MEGF10: variants seen among roughly 807,000 people sequenced by gnomAD.
MEGF10 encodes the protein multiple epidermal growth factor-like domains protein 10.
In MEGF10, 86 loss-of-function variants were observed where a neutral mutation model predicts 147.5. The ratio of observed to expected loss-of-function variants is 0.58; its 90% CI spans 0.49 to 0.70. The LOEUF is 0.70. Among genes scored for constraint, MEGF10 ranks in the 30% least tolerant of loss-of-function variants. MEGF10 has a pLI of 0.00. For missense variants in MEGF10, 1,329 were observed against 1,487.3 expected, an observed-to-expected ratio of 0.89 and a Z score of 1.75; for synonymous variants, 478 against 525.5, an observed-to-expected ratio of 0.91 and a Z score of 1.24.
intron 1 of MEGF10, among the ~76,000 whole-genome samples, chr5:127,324,114 C>T (rs1323629744): frequency 1.3e-5 from 2 of 151,462 alleles, no homozygotes; most frequent in Non-Finnish European, 2.9e-5. Context: ...AGGCTGGCTA[C>T]AATAATAGGG....
At chr5:127,426,087 G>A (rs1433352148) in intron 13 of MEGF10, among the ~76,000 whole-genome samples, 1 of 152,182 alleles carries the variant, frequency 6.6e-6, no homozygotes, top group Non-Finnish European at 1.5e-5. Context: ...ATAAGAGTCA[G>A]GAGGGCCTTG....
chr5:127,333,591 A>G (rs1405419997), intron 2 of MEGF10, among the ~76,000 whole-genome samples: 1 of 152,170 alleles, frequency 6.6e-6, no homozygotes, highest in Non-Finnish European at 1.5e-5. Flanking sequence ...ACCCACTTAT[A>G]AATACACATT....
chr5:127,270,994 TC>T, the MEGF10 span, among the ~76,000 whole-genome samples: 1 of 152,190 alleles, frequency 6.6e-6, no homozygotes, highest in African/African-American at 2.4e-5. Flanking sequence ...TCCATGTCTT[TC>T]CTTTTGTGAA....
At chr5:127,421,061 T>C (rs1170463234) in intron 12 of MEGF10, among the ~76,000 whole-genome samples, 1 of 152,196 alleles carries the variant, frequency 6.6e-6, no homozygotes, top group African/African-American at 2.4e-5. Flanking sequence ...AGGATCCCAC[T>C]CATGGATATC....
intron 1 of MEGF10, among the ~76,000 whole-genome samples, chr5:127,293,544 AT>A (rs1352022453): frequency 6.6e-6 from 1 of 152,186 alleles, no homozygotes; most frequent in Non-Finnish European, 1.5e-5. Context: ...AGAAGTCTGC[AT>A]TTTTACAAGT....
chr5:127,230,318 A>T, the MEGF10 span, among the ~76,000 whole-genome samples: 1 of 152,104 alleles, frequency 6.6e-6, no homozygotes. Flanking sequence ...ATGCGTCAAA[A>T]TTAAGCTCCG....
chr5:127,294,497 A>G (rs1759405663), intron 1 of MEGF10, among the ~76,000 whole-genome samples: 1 of 152,134 alleles, frequency 6.6e-6, no homozygotes, highest in Non-Finnish European at 1.5e-5. Flanking sequence ...ATAGCCTAGG[A>G]AGTTAATAAC....
chr5:127,323,732 T>C (rs1277089498), intron 1 of MEGF10, among the ~76,000 whole-genome samples: 1 of 152,112 alleles, frequency 6.6e-6, no homozygotes, highest in African/African-American at 2.4e-5. Context: ...AAGTTGAGAG[T>C]AGCTTAGCTG....
intron 5 of MEGF10, among the ~76,000 whole-genome samples, chr5:127,395,539 T>A: frequency 1.1e-5 from 1 of 88,642 alleles, no homozygotes; most frequent in African/African-American, 5.2e-5. Flanking sequence ...CTGATATCTT[T>A]TTTTTTTTTT....
chr5:127,349,279 G>T (rs1440020472), intron 4 of MEGF10, among the ~76,000 whole-genome samples: 2 of 151,948 alleles, frequency 1.3e-5, no homozygotes, highest in Non-Finnish European at 2.9e-5. Context: ...ATAATTTTTG[G>T]TTTAATTTTT....
At chr5:127,363,836 C>T in intron 4 of MEGF10, among the ~76,000 whole-genome samples, 1 of 152,174 alleles carries the variant, frequency 6.6e-6, no homozygotes, top group East Asian at 1.9e-4. Flanking sequence ...CAAGCTCTTT[C>T]CACCACTGAT....
chr5:127,437,940 G>A (rs1328126969), intron 16 of MEGF10, among the ~76,000 whole-genome samples: 1 of 152,166 alleles, frequency 6.6e-6, no homozygotes, highest in Non-Finnish European at 1.5e-5. Context: ...GCCTTCCTCA[G>A]AGGAGTAGCT....
At chr5:127,418,784 G>C (rs1359586491) in intron 10 of MEGF10, among the ~76,000 whole-genome samples, 2 of 152,152 alleles carry the variant, frequency 1.3e-5, no homozygotes, top group African/African-American at 4.8e-5. Flanking sequence ...TAATTTTACA[G>C]ATACAATTTA....
the MEGF10 span, among the ~76,000 whole-genome samples, chr5:127,285,704 G>T: frequency 6.6e-6 from 1 of 152,112 alleles, no homozygotes; most frequent in East Asian, 1.9e-4. Flanking sequence ...TTGCCATAAA[G>T]CAAGTCTCAG....
the MEGF10 span, among the ~76,000 whole-genome samples, chr5:127,242,322 A>C: frequency 1.3e-5 from 2 of 152,300 alleles, no homozygotes; most frequent in South Asian, 4.1e-4. Context: ...CAACATTAAG[A>C]CTTCTTACAT....
In MEGF10 at chr5:127,455,483, A is replaced by G. The variant is rs776916860; in HGVS notation, c.3108A>G (p.Pro1036=). Residue 1036 remains proline, a synonymous_variant, in exon 24 of 25, where the codon CCA becomes CCG. Transcript: ENST00000503335. ...SENPYATIKD[P]PVLIPKSSEC... ...ACCCATATGCCACTATTAAAGACCC[A>G]CCTGTACTTATCCCGAAAAGCTCAG... The G allele has an allele frequency of 3.1e-6, 5 of 1,613,958 alleles. No homozygotes were observed. The highest frequency in any genetic ancestry group is 4.2e-6 in the Non-Finnish European group (5 of 1,180,006).
At chr5:127,387,954 T>C (rs2126898988) in intron 5 of MEGF10, among the ~76,000 whole-genome samples, 1 of 152,286 alleles carries the variant, frequency 6.6e-6, no homozygotes, top group South Asian at 2.1e-4. Context: ...GATGATTTTC[T>C]GGGTTTCTCT....
intron 1 of MEGF10, among the ~76,000 whole-genome samples, chr5:127,294,664 T>C (rs760155710): frequency 6.6e-6 from 1 of 151,984 alleles, no homozygotes; most frequent in Non-Finnish European, 1.5e-5. Flanking sequence ...CCGTGAGTGG[T>C]AGCACACACC....
chr5:127,236,679 T>C, the MEGF10 span, among the ~76,000 whole-genome samples: 1 of 152,232 alleles, frequency 6.6e-6, no homozygotes, highest in Non-Finnish European at 1.5e-5. Context: ...CTTCTTAAAC[T>C]TACTGTCTCC....
Sources: gnomAD v4.1 joint callset for allele counts (sites outside exome capture counted in the v4.1 genomes callset) on GRCh38, gnomAD v4.1.1 for gene constraint, MANE v1.5 for transcripts, NCBI Gene and HGNC (gene_info 2026-07-23, HGNC 2026-07-21) for gene names.